The following FARP1 variants were observed in gnomAD, a reference collection of about 807,000 sequenced individuals.
The protein encoded by FARP1 is FERM, ARHGEF and pleckstrin domain-containing protein 1.
A neutral mutation model predicts 128.8 loss-of-function variants in FARP1; 52 were observed. That is an observed-to-expected ratio of 0.40 (90% confidence interval 0.32 to 0.51). The LOEUF is 0.51. Ranked by LOEUF, FARP1 falls within the 20% of genes least tolerant of loss-of-function variation. FARP1 has a pLI of 0.45. For synonymous variants in FARP1, 580 were observed against 551.8 expected, an observed-to-expected ratio of 1.05 and a Z score of -0.72; for missense variants, 1,333 against 1,367.9, an observed-to-expected ratio of 0.97 and a Z score of 0.40.
Position 98,448,460 on chromosome 13 carries a change from CG to C in FARP1, c.*144del. The C allele has an allele frequency of 3.0e-6, 2 of 676,004 alleles. No individual in the cohort carries two copies. The highest frequency in any genetic ancestry group is 5.2e-6 in the Non-Finnish European group (2 of 384,582). 41.9% of individuals were successfully genotyped at this position (676,004 alleles called of 1,614,324 possible). On this transcript the variant is annotated 3_prime_UTR_variant, in exon 27 of 27. Coordinates refer to ENST00000319562, the MANE Select transcript of FARP1 (RefSeq NM_005766.4). ...AGCAGCTCTCCTGTCTCCACAGCCG[CG>C]TTTTTTAACCCCGACCTCTCAGCGT...
In FARP1 at chr13:98,411,885, GTCT is replaced by G. The variant is rs745873448; in HGVS notation, c.1693-8_1693-6del. On this transcript the variant is annotated splice_polypyrimidine_tract_variant and intron_variant, in intron 15 of 26. Coordinates refer to ENST00000319562, the MANE Select transcript of FARP1 (RefSeq NM_005766.4). ...TGATCTTTCCACCCGTAAGTGCATC[GTCT>G]TCTTCTTTCCAGTGGTTTCAGAGCA... is the stretch of plus-strand genomic sequence containing the variant. 31 of 1,612,802 alleles carry G rather than the reference GTCT, an allele frequency of 1.9e-5. No homozygotes were observed. Among genetic ancestry groups the G allele is most frequent in the African/African-American group, 4.0e-5 (3 of 74,806 alleles).
At chr13:98,213,139 TG>T (rs140623347) in intron 1 of FARP1, 80 bp from the exon 2 acceptor site, 97,052 of 1,156,048 alleles carry the variant, frequency 0.084, 4,416 homozygotes, top group African/African-American at 0.11. Context: ...CCTGCCCACC[TG>T]GGTGGGGTTC....
At chr13:98,225,555 A>G (rs1328868142) in intron 2 of FARP1, among the ~76,000 whole-genome samples, 2 of 152,088 alleles carry the variant, frequency 1.3e-5, no homozygotes, top group Non-Finnish European at 2.9e-5. Flanking sequence ...TTTAAGGACC[A>G]TTTCTCTAAG....
chr13:98,263,741 T>C (rs1883980701), intron 2 of FARP1, among the ~76,000 whole-genome samples: 1 of 152,218 alleles, frequency 6.6e-6, no homozygotes, highest in South Asian at 2.1e-4. Flanking sequence ...TCAAGTAATA[T>C]GTTCTCTGAA....
intron 1 of FARP1, among the ~76,000 whole-genome samples, chr13:98,179,599 T>C (rs1354339603): frequency 6.6e-6 from 1 of 152,072 alleles, no homozygotes; most frequent in Admixed American, 6.6e-5. Context: ...GCATGGTGGC[T>C]CACACCTATA....
intron 2 of FARP1, among the ~76,000 whole-genome samples, chr13:98,292,671 T>G (rs1409943691): frequency 2.0e-5 from 3 of 152,182 alleles, no homozygotes; most frequent in Admixed American, 6.5e-5. Flanking sequence ...GCAGTACTGA[T>G]GGAGAACATA....
chr13:98,373,176 C>G (rs190222426), intron 5 of FARP1, among the ~76,000 whole-genome samples: 5 of 152,302 alleles, frequency 3.3e-5, no homozygotes, highest in Admixed American at 3.3e-4. Context: ...CTGATGCCAT[C>G]TCGCAGCCCA....
chr13:98,426,148 C>T (rs1306569939), intron 17 of FARP1, among the ~76,000 whole-genome samples: 1 of 152,132 alleles, frequency 6.6e-6, no homozygotes, highest in Non-Finnish European at 1.5e-5. Context: ...TCTTAATTCC[C>T]ATAATCCTAG....
intron 3 of FARP1, among the ~76,000 whole-genome samples, chr13:98,360,015 C>A (rs1418566068): frequency 1.3e-5 from 2 of 151,918 alleles, no homozygotes; most frequent in Non-Finnish European, 2.9e-5. Context: ...CTGAATTTGT[C>A]CCCTCCAAAA....
intron 1 of FARP1, among the ~76,000 whole-genome samples, chr13:98,210,524 G>C (rs1229454864): frequency 1.3e-5 from 2 of 149,748 alleles, no homozygotes; most frequent in East Asian, 4.0e-4. Context: ...TTTCTCATCA[G>C]TGTTGGACTT....
At chr13:98,194,734 T>A (rs1308890015) in intron 1 of FARP1, among the ~76,000 whole-genome samples, 2 of 152,226 alleles carry the variant, frequency 1.3e-5, no homozygotes, top group African/African-American at 4.8e-5. Context: ...ACCTAGTCCT[T>A]AAATGGAACT....
intron 12 of FARP1, 90 bp from the exon 13 acceptor site, chr13:98,395,137 C>A: frequency 1.4e-6 from 2 of 1,476,062 alleles, no homozygotes; most frequent in Middle Eastern, 1.8e-4. Flanking sequence ...CTCGGGTGTT[C>A]TTGCCTGGCT....
chr13:98,244,474 C>G, intron 2 of FARP1: 1 of 1,610,936 alleles, frequency 6.2e-7, no homozygotes, highest in Non-Finnish European at 8.5e-7. Flanking sequence ...GTAGCATTTG[C>G]TCTCCTCTCT....
chr13:98,145,905 A>ATTGTT (rs10645726), intron 1 of FARP1, among the ~76,000 whole-genome samples: 19 of 150,960 alleles, frequency 1.3e-4, no homozygotes, highest in African/African-American at 4.1e-4. Flanking sequence ...GCCCAAGGAA[A>ATTGTT]TTGTTTTGTT....
At chr13:98,217,751 G>A (rs1372556811) in intron 2 of FARP1, among the ~76,000 whole-genome samples, 2 of 152,204 alleles carry the variant, frequency 1.3e-5, no homozygotes, top group Non-Finnish European at 2.9e-5. Flanking sequence ...TACCTGCTTA[G>A]TGTTGGCCTC....
Position 98,428,927 on chromosome 13 carries a change from C to T in FARP1, c.1906-2116C>T, listed in dbSNP as rs544815954. ...CGACACACACATGCACGCACATGCA[C>T]GCACACACATGCAAGAGCGTGTATA... On this transcript the variant is annotated intron_variant, in intron 17 of 26. Transcript: ENST00000319562. 1.6e-4 allele frequency among the ~76,000 whole-genome samples: 24 copies of T among 152,272 alleles called. No homozygotes were observed. In the East Asian group the frequency reaches 3.5e-3, roughly 22 times the overall value.
At chr13:98,177,077 C>T (rs1411230392) in intron 1 of FARP1, 4 of 1,597,190 alleles carry the variant, frequency 2.5e-6, no homozygotes, top group African/African-American at 1.3e-5. Flanking sequence ...GCCACTGTGT[C>T]GCCCTCGTCC....
intron 2 of FARP1, among the ~76,000 whole-genome samples, chr13:98,214,755 C>G (rs1880959389): frequency 6.6e-6 from 1 of 152,162 alleles, no homozygotes; most frequent in South Asian, 2.1e-4. Flanking sequence ...CTTTCAAGGA[C>G]TTGGGACAGC....
At chr13:98,389,779 C>T (rs767088260) in intron 9 of FARP1, 178 bp from the exon 10 acceptor site, 3 of 575,380 alleles carry the variant, frequency 5.2e-6, no homozygotes, top group Non-Finnish European at 8.9e-6. Context: ...GACTAGGGAC[C>T]ACATCTTGTC....
Sources: allele counts gnomAD v4.1 joint callset (sites outside exome capture counted in the v4.1 genomes callset), GRCh38; gene constraint gnomAD v4.1.1; transcripts MANE v1.5; gene names NCBI Gene and HGNC (gene_info 2026-07-23, HGNC 2026-07-21).